AGAP1: variants seen among roughly 807,000 people sequenced by gnomAD.
AGAP1 encodes ArfGAP with GTPase domain, ankyrin repeat and PH domain 1, also known as arf-GAP with GTPase, ANK repeat and PH domain-containing protein 1.
A neutral mutation model predicts 105.3 loss-of-function variants in AGAP1; 29 were observed. The observed-to-expected ratio is 0.28, with a 90% CI of 0.21 to 0.38. The LOEUF (loss-of-function observed/expected upper bound fraction) is 0.38. Ranked by LOEUF, AGAP1 falls within the 10% of genes least tolerant of loss-of-function variation. The pLI, the probability that AGAP1 is intolerant of heterozygous loss-of-function variation, is 1.00. For synonymous variants in AGAP1, 509 were observed against 485.9 expected (o/e 1.05, Z -0.63); for missense variants, 998 against 1,165.1 (o/e 0.86, Z 2.09).
intron 3 of AGAP1, among the ~76,000 whole-genome samples, chr2:235,726,967 G>A (rs889158667): frequency 6.6e-6 from 1 of 152,210 alleles, no homozygotes; most frequent in Non-Finnish European, 1.5e-5. Flanking sequence ...ATCATGCCCA[G>A]CAAGGTCTCC....
rs1393010539 is a variant in AGAP1, at chr2:235,893,188, G to A, written c.1155+9739G>A. 6.6e-6 allele frequency among the ~76,000 whole-genome samples: 1 copy of A among 151,468 alleles called. No individual in the cohort carries two copies. Among genetic ancestry groups the A allele is most frequent in the Non-Finnish European group, 1.5e-5 (1 of 67,888 alleles). ...AGGGAGCGCTGTGTCTTTGGCGCGG[G>A]TGTGGCGTGGGTGTGCCATGTCCAT... On this transcript the variant is annotated intron_variant, in intron 10 of 17. Coordinates refer to ENST00000304032, the MANE Select transcript of AGAP1 (RefSeq NM_001037131.3). The surrounding 1 kb of genome is among the most constrained non-coding windows in gnomAD (Gnocchi z 4.7).
intron 1 of AGAP1, among the ~76,000 whole-genome samples, chr2:235,668,522 G>A (rs1186396565): frequency 2.0e-5 from 3 of 152,224 alleles, no homozygotes; most frequent in Non-Finnish European, 4.4e-5. Flanking sequence ...CCTGGAGAAG[G>A]TCGTGTAAGC....
At position 236,038,796 on chromosome 2, in the gene AGAP1, G is replaced by C. The variant is rs2057458317; in HGVS notation, c.1801-1955G>C. On this transcript the variant is annotated intron_variant, in intron 14 of 17. Coordinates refer to ENST00000304032, the MANE Select transcript of AGAP1 (RefSeq NM_001037131.3). This position sits in a 1 kb window ranked among gnomAD's most constrained non-coding sequence, Gnocchi z 4.5. Reference sequence around the variant, plus strand: ...CACAGAAATGATACAGGTACACAGAGAGACAGAGGCACATCCCTTTGTATG... The same window carrying C: ...CACAGAAATGATACAGGTACACAGACAGACAGAGGCACATCCCTTTGTATG... Among the ~76,000 whole-genome samples, 1 of 147,320 alleles carries C rather than the reference G, an allele frequency of 6.8e-6. No individual in the cohort carries two copies. The highest frequency in any genetic ancestry group is 1.5e-5 in the Non-Finnish European group (1 of 67,480).
At chr2:235,539,236 C>G (rs2149091286) in intron 1 of AGAP1, among the ~76,000 whole-genome samples, 1 of 152,328 alleles carries the variant, frequency 6.6e-6, no homozygotes, top group Middle Eastern at 3.4e-3. Flanking sequence ...AGGAAGGTTA[C>G]CTTCTGCAGC....
intron 10 of AGAP1, among the ~76,000 whole-genome samples, chr2:235,896,089 A>G (rs1057424563): frequency 6.6e-6 from 1 of 152,212 alleles, no homozygotes; most frequent in East Asian, 1.9e-4. Context: ...AACTCTACGC[A>G]TAAACACAAA....
intron 6 of AGAP1, among the ~76,000 whole-genome samples, chr2:235,794,762 G>A (rs988507029): frequency 2.0e-5 from 3 of 152,118 alleles, no homozygotes; most frequent in Non-Finnish European, 4.4e-5. Flanking sequence ...ATGAGCCACC[G>A]CGCCCAGCCG....
intron 6 of AGAP1, among the ~76,000 whole-genome samples, chr2:235,763,066 G>A (rs1021829756): frequency 4.1e-5 from 4 of 97,416 alleles, no homozygotes; most frequent in Non-Finnish European, 7.3e-5. Context: ...GTGCGCGCGC[G>A]CGCACACGTG....
chr2:235,636,178 A>T (rs1946996252), intron 1 of AGAP1, among the ~76,000 whole-genome samples: 1 of 151,956 alleles, frequency 6.6e-6, no homozygotes, highest in African/African-American at 2.4e-5. Context: ...GGAGCAAAAG[A>T]TTCTAAAGAG....
chr2:235,821,614 C>T (rs982429462), intron 9 of AGAP1, among the ~76,000 whole-genome samples: 9 of 151,960 alleles, frequency 5.9e-5, no homozygotes, highest in Admixed American at 5.9e-4. Flanking sequence ...CTCCATATAC[C>T]CTTCACCCAG....
At chr2:235,542,220 G>A (rs76685746) in intron 1 of AGAP1, among the ~76,000 whole-genome samples, 19 of 151,418 alleles carry the variant, frequency 1.3e-4, no homozygotes, top group Non-Finnish European at 2.2e-4. Context: ...TGGGTCCCGG[G>A]GGGGGGCCAG....
chr2:235,883,885 T>C lies in AGAP1; in HGVS notation c.1155+436T>C, dbSNP rs1310934477. Among the ~76,000 whole-genome samples, 1 of 152,234 alleles carries C rather than the reference T, an allele frequency of 6.6e-6. No individual in the cohort carries two copies. The highest frequency in any genetic ancestry group is 1.5e-5 in the Non-Finnish European group (1 of 68,042). On this transcript the variant is annotated intron_variant, in intron 10 of 17. Coordinates refer to ENST00000304032, the MANE Select transcript of AGAP1 (RefSeq NM_001037131.3). This position sits in a 1 kb window ranked among gnomAD's most constrained non-coding sequence, Gnocchi z 4.5. ...AATGCAATTCATGACTCAGCTTTTA[T>C]TGTCAGATAACACATTCCAGTGCAT...
At chr2:235,524,443 T>C (rs972548104) in intron 1 of AGAP1, 1 of 259,924 alleles carries the variant, frequency 3.8e-6, no homozygotes, top group Non-Finnish European at 8.4e-6. Flanking sequence ...TTTAGAGCCT[T>C]TGAGCTGAGA....
intron 6 of AGAP1, among the ~76,000 whole-genome samples, chr2:235,776,073 G>T (rs6705534): frequency 4.1e-4 from 62 of 152,278 alleles, no homozygotes; most frequent in African/African-American, 1.4e-3. Context: ...GTTTGGTTTT[G>T]AATATATATT....
chr2:235,923,579 GC>G (rs992069138), intron 11 of AGAP1, among the ~76,000 whole-genome samples: 44 of 148,332 alleles, frequency 3.0e-4, no homozygotes, highest in African/African-American at 1.1e-3. Flanking sequence ...GATGGGTTTC[GC>G]CTGTCCTTGG....
At position 235,879,424 on chromosome 2, in the gene AGAP1, A is replaced by G. The variant is rs2106606510; in HGVS notation, c.1051-3921A>G. Among the ~76,000 whole-genome samples, 1 of 152,322 alleles carries G rather than the reference A, an allele frequency of 6.6e-6. No homozygotes were observed. The highest frequency in any genetic ancestry group is 2.1e-4 in the South Asian group (1 of 4,826). Reference sequence around the variant, plus strand: ...GCTGGAAGGCAGAAATATGACTCCTAAGAGGCCAGGGTATTCTGTAGTCCT... The same window carrying G: ...GCTGGAAGGCAGAAATATGACTCCTGAGAGGCCAGGGTATTCTGTAGTCCT... On this transcript the variant is annotated intron_variant, in intron 9 of 17. Transcript: ENST00000304032. This position sits in a 1 kb window ranked among gnomAD's most constrained non-coding sequence, Gnocchi z 5.0.
At chr2:235,770,096 C>CAT (rs1195452881) in intron 6 of AGAP1, among the ~76,000 whole-genome samples, 3 of 150,276 alleles carry the variant, frequency 2.0e-5, no homozygotes, top group East Asian at 2.0e-4. Flanking sequence ...AGTAATAACA[C>CAT]ATATATATAC....
At chr2:236,103,771 G>A (rs943485147) in intron 16 of AGAP1, among the ~76,000 whole-genome samples, 1 of 152,044 alleles carries the variant, frequency 6.6e-6, no homozygotes, top group Non-Finnish European at 1.5e-5. Flanking sequence ...GTTTCACCAT[G>A]TTGGTCAGGC....
At position 235,962,083 on chromosome 2, in the gene AGAP1, T is replaced by TTTTG. The variant is rs1482737778; in HGVS notation, c.1484-6377_1484-6376insTGTT. ...TTTTGTTTTGTTTTGTTTTGTTTTG[T>TTTTG]TTCAGTGAAGTGAAAAGTGAGGTCA... On this transcript the variant is annotated intron_variant, in intron 12 of 17. Coordinates refer to ENST00000304032, the MANE Select transcript of AGAP1 (RefSeq NM_001037131.3). This position sits in a 1 kb window ranked among gnomAD's most constrained non-coding sequence, Gnocchi z 5.3. Among the ~76,000 whole-genome samples the TTTTG allele has an allele frequency of 4.2e-5, 6 of 143,926 alleles. No homozygotes were observed. The highest frequency in any genetic ancestry group is 7.4e-5 in the Non-Finnish European group (5 of 67,640). The allele number at this position is 143,926 out of a possible 152,430, so 94.4% of individuals were successfully genotyped here. A position where few individuals can be genotyped will look rare whatever the true frequency, so the allele number is the denominator to read the frequency against.
intron 16 of AGAP1, among the ~76,000 whole-genome samples, chr2:236,110,079 G>A (rs1329160253): frequency 1.3e-5 from 2 of 152,224 alleles, no homozygotes; most frequent in Admixed American, 1.3e-4. Flanking sequence ...CCAGTCTGTC[G>A]GGTGTCCCAG....
Sources: allele counts gnomAD v4.1 joint callset (sites outside exome capture counted in the v4.1 genomes callset), GRCh38; gene constraint gnomAD v4.1.1; non-coding constraint Gnocchi (gnomAD v3.1); transcripts MANE v1.5; gene names NCBI Gene and HGNC (gene_info 2026-07-23, HGNC 2026-07-21).